Variants in ITPK1 observed in about 807,000 individuals in gnomAD.
The protein encoded by ITPK1 is inositol 1,3,4-trisphosphate 5/6-kinase.
ITPK1 carries 21 observed loss-of-function variants against 45.3 expected under a neutral mutation model. That is an observed-to-expected ratio of 0.46 (90% confidence interval 0.33 to 0.67). The LOEUF (loss-of-function observed/expected upper bound fraction) is 0.67. Among genes scored for constraint, ITPK1 ranks in the 30% least tolerant of loss-of-function variants. ITPK1 has a pLI of 0.02. For synonymous variants in ITPK1, 258 were observed against 253.6 expected, an observed-to-expected ratio of 1.02 and a Z score of -0.16; for missense variants, 474 against 573.5, an observed-to-expected ratio of 0.83 and a Z score of 1.77.
intron 5 of ITPK1, among the ~76,000 whole-genome samples, chr14:92,987,188 T>C (rs1296925673): frequency 6.6e-6 from 1 of 152,106 alleles, no homozygotes; most frequent in Non-Finnish European, 1.5e-5. Flanking sequence ...GTGGGGAAGC[T>C]CTCACTACTC....
chr14:93,105,342 A>C, intron 2 of ITPK1, among the ~76,000 whole-genome samples: 1 of 152,108 alleles, frequency 6.6e-6, no homozygotes, highest in East Asian at 1.9e-4. Context: ...CCCACGCCTG[A>C]CAGTTTTGGG....
rs1055071407 is a variant in ITPK1 at position 92,941,636 on chromosome 14, G to A, written c.1170C>T (p.Gly390=). 6.5e-7 allele frequency: 1 copy of A among 1,540,270 alleles called. No individual in the cohort carries two copies. Among genetic ancestry groups the A allele is most frequent in the Non-Finnish European group, 8.7e-7 (1 of 1,144,960 alleles). ...AGCTGGGCGACACGCCGGCGTTGCAGCCGAGTCTCTGGTGCGGCAGCTTGG... is the reference window on the plus strand; with the variant it reads ...AGCTGGGCGACACGCCGGCGTTGCAACCGAGTCTCTGGTGCGGCAGCTTGG... ...GTAKLPHQRL[G]CNAGVSPSFQ... is the part of the protein sequence containing the mutation. Residue 390 remains glycine, a synonymous_variant, in exon 11 of 11, where the codon GGC becomes GGT. Coordinates refer to ENST00000267615, the MANE Select transcript of ITPK1 (RefSeq NM_014216.6).
chr14:92,947,131 C>CA (rs1887729932), intron 9 of ITPK1, among the ~76,000 whole-genome samples: 1 of 152,218 alleles, frequency 6.6e-6, no homozygotes, highest in African/African-American at 2.4e-5. Flanking sequence ...CAGAGACCCC[C>CA]AAGGAGGTGA....
intron 3 of ITPK1, among the ~76,000 whole-genome samples, chr14:93,061,489 G>T (rs1890522634): frequency 6.6e-6 from 1 of 152,154 alleles, no homozygotes; most frequent in Non-Finnish European, 1.5e-5. Flanking sequence ...AGAGAGAGTG[G>T]GTCTGGGGCA....
At position 93,096,746 on chromosome 14, in the gene ITPK1, A is replaced by G. The variant is rs546412339; in HGVS notation, c.95+18323T>C. ...AATGTTCAAGAATGTAGGGGCTCGA[A>G]TGTTCTAGAATGTAGGGGCTCCAAT... On this transcript the variant is annotated intron_variant, in intron 2 of 10. Transcript: ENST00000267615. Among the ~76,000 whole-genome samples the G allele has an allele frequency of 2.6e-5, 4 of 152,286 alleles. 1 individual carries two copies. The South Asian group carries it at 8.3e-4, about 32-fold the overall frequency.
intron 8 of ITPK1, among the ~76,000 whole-genome samples, chr14:92,955,864 C>T (rs1217150335): frequency 6.6e-6 from 1 of 152,212 alleles, no homozygotes; most frequent in African/African-American, 2.4e-5. Flanking sequence ...GGAAAGAGGC[C>T]AGAGTCCCAA....
Position 92,938,624 on chromosome 14 carries a change from T to C in ITPK1, c.*2937A>G. The C allele has an allele frequency of 6.9e-6, 7 of 1,017,132 alleles. No individual in the cohort carries two copies. The highest frequency in any genetic ancestry group is 1.1e-5 in the Non-Finnish European group (7 of 656,384). The allele number at this position is 1,017,132 out of a possible 1,614,324, so 63.0% of individuals were successfully genotyped here. A position where few individuals can be genotyped will look rare whatever the true frequency, so the allele number is the denominator to read the frequency against. ...CAGGCACAGGAAGCCCCATGGAACC[T>C]GCCAGGTTGCAGCTGGGTCCAATCC... On this transcript the variant is annotated 3_prime_UTR_variant, in exon 11 of 11. Coordinates refer to ENST00000267615, the MANE Select transcript of ITPK1 (RefSeq NM_014216.6).
chr14:92,989,503 C>T (rs532337874), intron 5 of ITPK1, among the ~76,000 whole-genome samples: 66 of 152,314 alleles, frequency 4.3e-4, no homozygotes, highest in African/African-American at 1.6e-3. Flanking sequence ...ATGGTGCCTT[C>T]TCAGCCAGTT....
At position 93,076,706 on chromosome 14, in the gene ITPK1, G is replaced by A; in HGVS notation, c.96-87C>T. 1 of 1,541,416 alleles carries A rather than the reference G, an allele frequency of 6.5e-7. No homozygotes were observed. The highest frequency in any genetic ancestry group is 9.0e-7 in the Non-Finnish European group (1 of 1,115,098). On this transcript the variant is annotated intron_variant, in intron 2 of 10. Coordinates refer to ENST00000267615, the MANE Select transcript of ITPK1 (RefSeq NM_014216.6). This position sits in a 1 kb window ranked among gnomAD's most constrained non-coding sequence, Gnocchi z 4.3. Reference sequence around the variant, plus strand: ...GGTTCCCGACAGCCGGCTGAGGGCAGGACCATGAGAGGGTTTCAGGAGGGA... The same window carrying A: ...GGTTCCCGACAGCCGGCTGAGGGCAAGACCATGAGAGGGTTTCAGGAGGGA...
At chr14:93,114,229 G>GC (rs1364716674) in intron 2 of ITPK1, among the ~76,000 whole-genome samples, 1 of 152,352 alleles carries the variant, frequency 6.6e-6, no homozygotes, top group East Asian at 1.9e-4. Flanking sequence ...GCAAGGGAAG[G>GC]CCTACCTGAC....
intron 9 of ITPK1, 45 bp downstream of exon 9, chr14:92,951,901 C>A (rs867161378): frequency 1.4e-6 from 2 of 1,478,838 alleles, no homozygotes; most frequent in South Asian, 1.2e-5. Flanking sequence ...CCTAGGCCCA[C>A]GGGAGGGCAG....
intron 4 of ITPK1, among the ~76,000 whole-genome samples, chr14:92,995,950 T>C (rs189186773): frequency 6.6e-6 from 1 of 152,348 alleles, no homozygotes; most frequent in African/African-American, 2.4e-5. Flanking sequence ...GAGCTCTCCA[T>C]GGGCAACTAC....
At chr14:93,052,698 G>A (rs569268367) in intron 3 of ITPK1, among the ~76,000 whole-genome samples, 70 of 152,196 alleles carry the variant, frequency 4.6e-4, no homozygotes, top group Non-Finnish European at 6.8e-4. Flanking sequence ...ATACCTGCCC[G>A]CACCACCACC....
At position 92,939,907 on chromosome 14, in the gene ITPK1, G is replaced by A. The variant is rs941292940; in HGVS notation, c.*1654C>T. ...TTATTTTGGAGACAAAGCAGTGCAA[G>A]AGGCCAGCCACGCTTTCCTGTTCCC... On this transcript the variant is annotated 3_prime_UTR_variant, in exon 11 of 11. Coordinates refer to ENST00000267615, the MANE Select transcript of ITPK1 (RefSeq NM_014216.6). The A allele has an allele frequency of 4.1e-6, 4 of 985,786 alleles. No homozygotes were observed. The African/African-American group carries it at 7.0e-5, about 17-fold the overall frequency. The allele number at this position is 985,786 out of a possible 1,614,324, so 61.1% of individuals were successfully genotyped here.
intron 4 of ITPK1, chr14:92,999,025 C>T (rs1887198943): frequency 6.6e-6 from 1 of 152,222 alleles, no homozygotes; most frequent in Non-Finnish European, 1.5e-5. Context: ...GATTAAACAA[C>T]AGTTTCTTAA....
At chr14:93,045,955 C>G (rs1211922201) in intron 3 of ITPK1, among the ~76,000 whole-genome samples, 1 of 152,204 alleles carries the variant, frequency 6.6e-6, no homozygotes, top group Non-Finnish European at 1.5e-5. Flanking sequence ...TCCACACTCA[C>G]AGCTCACTGC....
rs573731975 is a variant in ITPK1 at position 93,081,293 on chromosome 14, C to T, written c.96-4674G>A. Among the ~76,000 whole-genome samples the T allele has an allele frequency of 2.0e-5, 3 of 151,962 alleles. No homozygotes were observed. The East Asian group carries it at 5.9e-4, about 30-fold the overall frequency. ...GGGTTGCAGTGAGCCAAGATCGTGC[C>T]ACTGCACTCCAGCCTGGGCAACAGA... On this transcript the variant is annotated intron_variant, in intron 2 of 10. Coordinates refer to ENST00000267615, the MANE Select transcript of ITPK1 (RefSeq NM_014216.6).
At chr14:93,044,527 G>A (rs1889696447) in intron 3 of ITPK1, among the ~76,000 whole-genome samples, 1 of 152,224 alleles carries the variant, frequency 6.6e-6, no homozygotes, top group South Asian at 2.1e-4. Flanking sequence ...GCAGCAGATG[G>A]AAACTCTGGA....
intron 3 of ITPK1, among the ~76,000 whole-genome samples, chr14:93,064,261 C>T (rs1352655018): frequency 2.0e-5 from 3 of 152,092 alleles, no homozygotes; most frequent in Non-Finnish European, 4.4e-5. Context: ...CCAGCCTGGG[C>T]GACAGAGCGA....
Sources: allele counts gnomAD v4.1 joint callset (sites outside exome capture counted in the v4.1 genomes callset), GRCh38; gene constraint gnomAD v4.1.1; non-coding constraint Gnocchi (gnomAD v3.1); transcripts MANE v1.5; gene names NCBI Gene and HGNC (gene_info 2026-07-23, HGNC 2026-07-21).